FAM83E: variants seen among roughly 807,000 people sequenced by gnomAD.
The protein encoded by FAM83E is scaffolding CK1 anchoring protein E, also known as protein FAM83E.
In FAM83E, 29 loss-of-function variants were observed where a neutral mutation model predicts 34.3. The ratio of observed to expected loss-of-function variants is 0.85; its 90% confidence interval spans 0.63 to 1.15. FAM83E has a LOEUF of 1.15. Among genes scored for constraint, FAM83E ranks in the 50% most tolerant of loss-of-function variants. FAM83E has a pLI of 0.00. For missense variants in FAM83E, 697 were observed against 685.0 expected (o/e 1.02, Z -0.20); for synonymous variants, 312 against 311.6 (o/e 1.00, Z -0.01).
chr19:48,601,590 C>A (rs1002546992), intron 6 of FAM83E, among the ~76,000 whole-genome samples: 2 of 151,706 alleles, frequency 1.3e-5, no homozygotes, highest in Admixed American at 1.3e-4. Context: ...CATGGTGAAA[C>A]CCTATCTCTA....
intron 5 of FAM83E, among the ~76,000 whole-genome samples, chr19:48,609,203 C>T (rs1973991769): frequency 6.6e-6 from 1 of 151,896 alleles, no homozygotes; most frequent in Non-Finnish European, 1.5e-5. Flanking sequence ...CACCCCTCTC[C>T]TCCCTAGCTG....
intron 5 of FAM83E, chr19:48,607,050 C>A (rs1973944374): frequency 1.2e-6 from 2 of 1,612,746 alleles, no homozygotes; most frequent in Admixed American, 1.7e-5. Context: ...AGGACTGCGT[C>A]TTCTGTGAGC....
chr19:48,610,766 G>A lies in FAM83E; in HGVS notation c.547C>T (p.Pro183Ser), dbSNP rs1974026429. The change falls in exon 4 of 7, where the codon CCT (proline) becomes TCT (serine). Residue 183 changes from proline (P) to serine (S), a missense_variant. By Grantham distance (74) the Pro-to-Ser change is moderately conservative. Coordinates refer to ENST00000263266, the MANE Select transcript of FAM83E (RefSeq NM_017708.4). ...TGGCGGTCCAGGAGCAGGTAGACAG[G>A]TACCCAGCGGCGCGTGGCAGCATCC... ...LVDAATRRWV[P>S]VYLLLDRQQL... The A allele has an allele frequency of 1.1e-5, 17 of 1,588,118 alleles. No individual in the cohort carries two copies. Among genetic ancestry groups the A allele is most frequent in the Admixed American group, 1.8e-5 (1 of 56,300 alleles).
intron 6 of FAM83E, 51 bp downstream of exon 6, chr19:48,603,443 C>T (rs751855000): frequency 4.1e-6 from 6 of 1,459,964 alleles, no homozygotes; most frequent in South Asian, 2.8e-5. Flanking sequence ...CCTGGGCAAA[C>T]GCCTTCCCCT....
In FAM83E at chr19:48,603,807, G is replaced by A; in HGVS notation, c.863C>T (p.Ser288Phe). Residue 288 changes from serine (S) to phenylalanine (F), a missense_variant, in exon 6 of 7, where the codon TCC becomes TTC. Coordinates refer to ENST00000263266, the MANE Select transcript of FAM83E (RefSeq NM_017708.4). ...SLEFRTLYAA[S>F]CPLPPAPPQK... ...GGGGGGCGCAGGTGGGAGCGGGCAG[G>A]AGGCCGCGTACAGCGTCCGGAACTC... 1 of 1,601,342 alleles carries A rather than the reference G, an allele frequency of 6.2e-7. No individual in the cohort carries two copies. Among genetic ancestry groups the A allele is most frequent in the South Asian group, 1.1e-5 (1 of 89,390 alleles).
intron 3 of FAM83E, among the ~76,000 whole-genome samples, 168 bp from the exon 4 acceptor site, chr19:48,611,015 C>T (rs1974031863): frequency 6.6e-6 from 1 of 152,164 alleles, no homozygotes; most frequent in African/African-American, 2.4e-5. Flanking sequence ...TACACTGCTG[C>T]TCAAACAGCA....
Position 48,601,033 on chromosome 19 carries a change from AGGCAGAG to A in FAM83E, c.*69_*75del. The A allele has an allele frequency of 6.6e-7, 1 of 1,517,284 alleles. No homozygotes were observed. Among genetic ancestry groups the A allele is most frequent in the Non-Finnish European group, 8.8e-7 (1 of 1,135,776 alleles). 94.0% of individuals were successfully genotyped at this position (1,517,284 alleles called of 1,614,324 possible). A position where few individuals can be genotyped will look rare whatever the true frequency, so the allele number is the denominator to read the frequency against. ...AAGCCTTGTCCAAGGCAGGGCATTG[AGGCAGAG>A]GGCTCTGAGCCGACAGTTGTCCGGC... On this transcript the variant is annotated 3_prime_UTR_variant, in exon 7 of 7. Coordinates refer to ENST00000263266, the MANE Select transcript of FAM83E (RefSeq NM_017708.4).
intron 3 of FAM83E, among the ~76,000 whole-genome samples, chr19:48,611,262 G>A (rs935998441): frequency 8.6e-5 from 13 of 150,520 alleles, no homozygotes; most frequent in African/African-American, 2.4e-4. Context: ...TCCACCTCCC[G>A]GGTTCAAGCA....
Position 48,613,353 on chromosome 19 carries a change from G to T in FAM83E, c.20C>A (p.Ala7Glu), listed in dbSNP as rs762386194. The T allele has an allele frequency of 2.5e-6, 4 of 1,568,992 alleles. No homozygotes were observed. The highest frequency in any genetic ancestry group is 3.5e-6 in the Non-Finnish European group (4 of 1,157,794). ...ACCGGAGTCCACTCCTTCCAGCGCC[G>T]CCAGCTGGGAGGCCGCCATCGGGGT... The part of the protein sequence containing the change: MAASQL[A>E]ALEGVDSGPR... Residue 7 changes from alanine (A) to glutamate (E), a missense_variant, in exon 3 of 7, where the codon GCG (alanine) becomes GAG (glutamate). By Grantham distance (107) the Ala-to-Glu change is moderately radical (BLOSUM62 -1). Transcript: ENST00000263266.
chr19:48,602,583 C>T (rs1022319808), intron 6 of FAM83E, among the ~76,000 whole-genome samples: 6 of 148,292 alleles, frequency 4.0e-5, no homozygotes, highest in Non-Finnish European at 8.9e-5. Flanking sequence ...AGGACCTTGC[C>T]CCTGCCCATC....
intron 5 of FAM83E, 133 bp downstream of exon 5, chr19:48,609,743 A>G (rs1389959894): frequency 7.0e-6 from 7 of 1,000,828 alleles, no homozygotes; most frequent in Non-Finnish European, 1.0e-5. Context: ...TCCGCAGGGA[A>G]GAGTGTTTTG....
intron 5 of FAM83E, among the ~76,000 whole-genome samples, chr19:48,609,018 G>A (rs1197758187): frequency 1.3e-5 from 2 of 152,004 alleles, no homozygotes; most frequent in Non-Finnish European, 2.9e-5. Flanking sequence ...TACCCAGCCC[G>A]AGCGTGGGTG....
intron 5 of FAM83E, chr19:48,606,794 C>T: frequency 1.5e-6 from 1 of 681,658 alleles, no homozygotes; most frequent in Non-Finnish European, 2.4e-6. Flanking sequence ...CCTCCATCCC[C>T]AGGACTTAGA....
rs1038224081 is a variant in FAM83E, at chr19:48,609,272, T to C, written c.758+604A>G. On this transcript the variant is annotated intron_variant, in intron 5 of 6. Coordinates refer to ENST00000263266, the MANE Select transcript of FAM83E (RefSeq NM_017708.4). ...TTTGCAGTTTCTTTCTTTCTTTTTT[T>C]TTTTTTTTTTTTTTTGCTTTTTTGA... Among the ~76,000 whole-genome samples the C allele has an allele frequency of 8.1e-4, 118 of 145,814 alleles. No individual in the cohort carries two copies. In the East Asian group the frequency reaches 0.021, roughly 26 times the overall value.
At chr19:48,610,389 A>G (rs1330648400) in intron 4 of FAM83E, among the ~76,000 whole-genome samples, 1 of 100,978 alleles carries the variant, frequency 9.9e-6, no homozygotes, top group Non-Finnish European at 1.8e-5. Context: ...ACAAAGCAAC[A>G]CTCCGTCTCA....
intron 6 of FAM83E, among the ~76,000 whole-genome samples, chr19:48,601,992 A>G (rs1601121126): frequency 6.6e-6 from 1 of 151,472 alleles, no homozygotes; most frequent in African/African-American, 2.4e-5. Context: ...AAATACAAAA[A>G]TTAGCCAGGC....
chr19:48,607,693 A>T (rs1973960896), intron 5 of FAM83E: 1 of 263,110 alleles, frequency 3.8e-6, no homozygotes, highest in Admixed American at 4.8e-5. Context: ...TATCATAATA[A>T]ATGACAGCTG....
In FAM83E at chr19:48,613,047, G is replaced by A. The variant is rs1010127169; in HGVS notation, c.326C>T (p.Ala109Val). 16 of 1,602,602 alleles carry A rather than the reference G, an allele frequency of 1.0e-5. No individual in the cohort carries two copies. Among genetic ancestry groups the A allele is most frequent in the Admixed American group, 3.4e-5 (2 of 58,106 alleles). ...SYWPGQSEQP[A>V]PVLRLGWPVD... ...TGGCCAGCCCAGCCGCAGGACGGGC[G>A]CCGGCTGCTCCGACTGCCCAGGCCA... The change falls in exon 3 of 7, where the codon GCG becomes GTG. Residue 109 changes from alanine to valine, a missense_variant. Transcript: ENST00000263266.
At position 48,614,000 on chromosome 19, in the gene FAM83E, C is replaced by T; in HGVS notation, c.-628G>A. ...TTCCGACTGACAGTCACAGTATCTG[C>T]CTGTTGGAGCATCTGTCTCTGGCCA... is the stretch of plus-strand genomic sequence containing the variant. On this transcript the variant is annotated 5_prime_UTR_variant, in exon 3 of 7. Transcript: ENST00000263266. 2.0e-6 allele frequency: 2 copies of T among 985,426 alleles called. No homozygotes were observed. Among genetic ancestry groups the T allele is most frequent in the Non-Finnish European group, 2.4e-6 (2 of 829,944 alleles). 61.0% of individuals were successfully genotyped at this position (985,426 alleles called of 1,614,324 possible).
Sources: gnomAD v4.1 joint callset for allele counts (sites outside exome capture counted in the v4.1 genomes callset) on GRCh38, gnomAD v4.1.1 for gene constraint, MANE v1.5 for transcripts, NCBI Gene and HGNC (gene_info 2026-07-23, HGNC 2026-07-21) for gene names.